The following MCC variants were observed in gnomAD, a reference collection of about 807,000 sequenced individuals.
MCC encodes MCC regulator of Wnt signaling pathway, also known as colorectal mutant cancer protein.
MCC carries 90 observed loss-of-function variants against 116.2 expected under a neutral mutation model. The ratio of observed to expected loss-of-function variants is 0.77; its 90% confidence interval spans 0.65 to 0.92. MCC has a LOEUF of 0.92. MCC is among the 40% of genes least tolerant of loss of function. The pLI, the probability that MCC is intolerant of heterozygous loss-of-function variation, is 0.00. For missense variants in MCC, 1,516 were observed against 1,312.2 expected (o/e 1.16, Z -2.40); for synonymous variants, 578 against 510.5 (o/e 1.13, Z -1.78).
intron 3 of MCC, among the ~76,000 whole-genome samples, chr5:113,267,612 T>A (rs1201614016): frequency 2.0e-5 from 3 of 152,212 alleles, no homozygotes; most frequent in African/African-American, 7.2e-5. Context: ...TACAGCATGA[T>A]GAGCCATGAA....
intron 4 of MCC, among the ~76,000 whole-genome samples, chr5:113,144,045 G>A (rs1308365103): frequency 1.3e-5 from 2 of 152,150 alleles, no homozygotes; most frequent in African/African-American, 2.4e-5. Flanking sequence ...GCCTAGCACC[G>A]GCAAATGGCC....
At chr5:113,440,114 A>G (rs906434388) in intron 1 of MCC, among the ~76,000 whole-genome samples, 1 of 152,058 alleles carries the variant, frequency 6.6e-6, no homozygotes, top group Non-Finnish European at 1.5e-5. Context: ...TTTAGTGCAT[A>G]CCCTCATCTC....
At chr5:113,433,203 C>T (rs111410505) in intron 1 of MCC, 5,760 of 179,654 alleles carry the variant, frequency 0.032, 152 homozygotes, top group African/African-American at 0.07. Context: ...CGAGAGTGCC[C>T]GCGAGCCCGT....
intron 3 of MCC, among the ~76,000 whole-genome samples, chr5:113,224,241 C>T (rs1224893577): frequency 1.3e-5 from 2 of 152,000 alleles, no homozygotes; most frequent in Non-Finnish European, 2.9e-5. Flanking sequence ...ATCAGGCACG[C>T]GCGACCACAT....
intron 5 of MCC, among the ~76,000 whole-genome samples, chr5:113,142,925 T>A (rs1759262853): frequency 6.6e-6 from 1 of 152,180 alleles, no homozygotes; most frequent in South Asian, 2.1e-4. Flanking sequence ...ACTTCTGATT[T>A]CATACCCTTA....
At chr5:113,051,131 G>GA (rs1305567063) in intron 15 of MCC, among the ~76,000 whole-genome samples, 1 of 152,128 alleles carries the variant, frequency 6.6e-6, no homozygotes, top group Non-Finnish European at 1.5e-5. Context: ...CTCAGAAACT[G>GA]ATGAGTCCCA....
intron 3 of MCC, 99 bp from the exon 4 acceptor site, chr5:113,151,521 T>C (rs978111236): frequency 1.5e-6 from 1 of 665,402 alleles, no homozygotes; most frequent in African/African-American, 1.8e-5. Context: ...AAGCCTATCA[T>C]CCAAAAAGCA....
chr5:113,072,999 C>G (rs980089504), intron 11 of MCC, among the ~76,000 whole-genome samples: 2 of 152,280 alleles, frequency 1.3e-5, no homozygotes, highest in African/African-American at 4.8e-5. Context: ...ACATGCTAGA[C>G]CAAGCTTGTC....
intron 3 of MCC, among the ~76,000 whole-genome samples, chr5:113,228,881 G>C (rs966249876): frequency 5.9e-5 from 9 of 152,112 alleles, no homozygotes; most frequent in African/African-American, 2.2e-4. Context: ...TGAAGAAGAA[G>C]AATCAAGAAA....
intron 3 of MCC, among the ~76,000 whole-genome samples, chr5:113,170,987 T>C (rs1323185404): frequency 1.3e-5 from 2 of 152,094 alleles, no homozygotes. Context: ...CATGCGTCCC[T>C]AAAGCTTTGG....
intron 3 of MCC, among the ~76,000 whole-genome samples, chr5:113,298,672 G>T (rs752509639): frequency 2.6e-5 from 4 of 152,144 alleles, no homozygotes; most frequent in African/African-American, 4.8e-5. Context: ...TATGAGATTA[G>T]CTTTGGAGTA....
chr5:113,415,187 G>A (rs1687368517), intron 1 of MCC, among the ~76,000 whole-genome samples: 1 of 152,084 alleles, frequency 6.6e-6, no homozygotes, highest in Non-Finnish European at 1.5e-5. Flanking sequence ...CTTCTCTCTG[G>A]CTGCCCTTAA....
At chr5:113,298,046 G>T (rs960199861) in intron 3 of MCC, among the ~76,000 whole-genome samples, 2 of 152,150 alleles carry the variant, frequency 1.3e-5, no homozygotes, top group African/African-American at 2.4e-5. Flanking sequence ...AGTCAGGGTT[G>T]AGCTGGAGAT....
At chr5:113,294,509 AC>A in intron 3 of MCC, 1 of 1,534,256 alleles carries the variant, frequency 6.5e-7, no homozygotes, top group Non-Finnish European at 8.7e-7. Context: ...AGCCATTTTC[AC>A]CCAGGACAGT....
intron 2 of MCC, among the ~76,000 whole-genome samples, chr5:113,374,348 T>C (rs1015132295): frequency 1.3e-5 from 2 of 152,168 alleles, no homozygotes; most frequent in Admixed American, 1.3e-4. Context: ...AATCATTGTC[T>C]GGTACTAAAA....
At chr5:113,298,052 G>A (rs891068242) in intron 3 of MCC, among the ~76,000 whole-genome samples, 2 of 152,172 alleles carry the variant, frequency 1.3e-5, no homozygotes, top group African/African-American at 4.8e-5. Flanking sequence ...GGTTGAGCTG[G>A]AGATGGAGGT....
At chr5:113,433,194 G>C (rs528086324) in intron 1 of MCC, 3 of 179,902 alleles carry the variant, frequency 1.7e-5, no homozygotes, top group Non-Finnish European at 3.5e-5. Context: ...GGCTGCCGCC[G>C]AGAGTGCCCG....
intron 1 of MCC, among the ~76,000 whole-genome samples, chr5:113,430,233 A>G (rs1387502276): frequency 6.6e-6 from 1 of 152,238 alleles, no homozygotes; most frequent in African/African-American, 2.4e-5. Context: ...CCAATCTTTC[A>G]TAAGTTTTGT....
chr5:113,329,619 C>T (rs1402491283), intron 3 of MCC, among the ~76,000 whole-genome samples: 1 of 152,150 alleles, frequency 6.6e-6, no homozygotes, highest in Non-Finnish European at 1.5e-5. Context: ...TTCAAAGAAA[C>T]AGTCCAACAA....
Sources: gnomAD v4.1 joint callset for allele counts (sites outside exome capture counted in the v4.1 genomes callset) on GRCh38, gnomAD v4.1.1 for gene constraint, MANE v1.5 for transcripts, NCBI Gene and HGNC (gene_info 2026-07-23, HGNC 2026-07-21) for gene names.